MCTP1: variants seen among roughly 807,000 people sequenced by gnomAD.
MCTP1 encodes the protein multiple C2 and transmembrane domain containing 1.
Under a neutral mutation model 120.6 loss-of-function variants are expected in MCTP1, and 69 were observed. That is an observed-to-expected ratio of 0.57 (90% CI 0.47 to 0.70). The LOEUF is 0.70. MCTP1 is among the 30% of genes least tolerant of loss of function. MCTP1 has a pLI of 0.00. For synonymous variants in MCTP1, 529 were observed against 493.1 expected, an observed-to-expected ratio of 1.07 and a Z score of -0.96; for missense variants, 1,203 against 1,248.8, an observed-to-expected ratio of 0.96 and a Z score of 0.55.
intron 10 of MCTP1, among the ~76,000 whole-genome samples, chr5:94,902,075 C>T (rs1252154270): frequency 6.6e-6 from 1 of 152,158 alleles, no homozygotes; most frequent in Non-Finnish European, 1.5e-5. Context: ...GCAGTTCATA[C>T]ATGCCCTATT....
chr5:95,141,451 T>C (rs766152945), intron 1 of MCTP1, among the ~76,000 whole-genome samples: 3 of 152,232 alleles, frequency 2.0e-5, no homozygotes, highest in Admixed American at 6.5e-5. Flanking sequence ...TGAACACAGC[T>C]GGGGTATTCT....
intron 1 of MCTP1, among the ~76,000 whole-genome samples, chr5:95,122,301 G>T (rs1267493073): frequency 6.6e-6 from 1 of 152,110 alleles, no homozygotes; most frequent in Non-Finnish European, 1.5e-5. Context: ...GACTCTATAG[G>T]AAAAGAATCT....
chr5:94,861,272 G>T (rs1404927557), intron 17 of MCTP1, among the ~76,000 whole-genome samples: 1 of 151,828 alleles, frequency 6.6e-6, no homozygotes, highest in Non-Finnish European at 1.5e-5. Context: ...AAGAGAAGGG[G>T]CAAAGTAAAA....
intron 18 of MCTP1, among the ~76,000 whole-genome samples, chr5:94,790,111 CG>C (rs917320816): frequency 6.6e-6 from 1 of 152,072 alleles, no homozygotes; most frequent in African/African-American, 2.4e-5. Flanking sequence ...CTAATTTGGT[CG>C]TGAGGTCTGT....
chr5:94,843,243 G>A (rs1280300575), intron 17 of MCTP1, among the ~76,000 whole-genome samples: 1 of 152,056 alleles, frequency 6.6e-6, no homozygotes, highest in Non-Finnish European at 1.5e-5. Context: ...AAACTCAGAA[G>A]GGAAGACAGA....
At chr5:95,281,526 C>T (rs560272682) in intron 1 of MCTP1, among the ~76,000 whole-genome samples, 49 of 152,290 alleles carry the variant, frequency 3.2e-4, no homozygotes, top group Non-Finnish European at 4.6e-4. Flanking sequence ...GAGCAGCAGA[C>T]GCTAGGGACC....
intron 1 of MCTP1, among the ~76,000 whole-genome samples, chr5:95,163,836 G>T (rs1746019936): frequency 6.6e-6 from 1 of 152,084 alleles, no homozygotes; most frequent in Non-Finnish European, 1.5e-5. Context: ...TTCTGTAAAA[G>T]AAAAAATTTA....
intron 1 of MCTP1, among the ~76,000 whole-genome samples, chr5:95,048,687 C>T (rs1254761913): frequency 2.0e-5 from 3 of 152,182 alleles, no homozygotes; most frequent in African/African-American, 7.2e-5. Context: ...GCTGTTTGCT[C>T]AATGCCTGGA....
intron 4 of MCTP1, among the ~76,000 whole-genome samples, chr5:94,940,504 G>C: frequency 6.8e-6 from 1 of 147,934 alleles, no homozygotes; most frequent in Non-Finnish European, 1.5e-5. Context: ...AACCCACAGA[G>C]AGTAGCGCCA....
At chr5:94,988,524 T>C (rs1468357078) in intron 2 of MCTP1, among the ~76,000 whole-genome samples, 6 of 152,114 alleles carry the variant, frequency 3.9e-5, no homozygotes, top group African/African-American at 9.7e-5. Context: ...ATTCTGTTCA[T>C]TGGATGCTAT....
intron 11 of MCTP1, among the ~76,000 whole-genome samples, chr5:94,890,207 T>C (rs1374595889): frequency 3.3e-5 from 5 of 152,178 alleles, no homozygotes; most frequent in Non-Finnish European, 5.9e-5. Flanking sequence ...TGTCCTGTTA[T>C]GTTACCCAGG....
intron 2 of MCTP1, among the ~76,000 whole-genome samples, chr5:94,977,336 GAA>G (rs1160460831): frequency 2.0e-5 from 3 of 151,914 alleles, no homozygotes; most frequent in Non-Finnish European, 4.4e-5. Context: ...ACTAATAAAT[GAA>G]AAGTCATCTT....
chr5:94,905,557 T>C (rs901713630), intron 10 of MCTP1, among the ~76,000 whole-genome samples: 2 of 152,126 alleles, frequency 1.3e-5, no homozygotes, highest in Non-Finnish European at 2.9e-5. Flanking sequence ...ATCCTCAATA[T>C]GTTTTGAAGA....
chr5:95,054,824 C>G (rs1463406051), intron 1 of MCTP1, among the ~76,000 whole-genome samples: 1 of 148,230 alleles, frequency 6.7e-6, no homozygotes, highest in African/African-American at 2.5e-5. Flanking sequence ...TTTTTTGAAA[C>G]AGTCTTGCTC....
At chr5:94,754,851 C>T (rs1362927380) in intron 19 of MCTP1, among the ~76,000 whole-genome samples, 1 of 152,178 alleles carries the variant, frequency 6.6e-6, no homozygotes, top group Admixed American at 6.5e-5. Flanking sequence ...CCAGCCCATC[C>T]ATTCGGTTCT....
intron 19 of MCTP1, among the ~76,000 whole-genome samples, chr5:94,738,126 T>G (rs1313577181): frequency 6.6e-6 from 1 of 152,256 alleles, no homozygotes; most frequent in Non-Finnish European, 1.5e-5. Flanking sequence ...TTCTGCTAAT[T>G]TAATTCATGG....
At chr5:94,747,093 C>A (rs1453613258) in intron 19 of MCTP1, among the ~76,000 whole-genome samples, 1 of 152,060 alleles carries the variant, frequency 6.6e-6, no homozygotes, top group East Asian at 1.9e-4. Flanking sequence ...TTATCCATAT[C>A]TTCTGCCTGT....
chr5:95,182,835 A>G (rs138442263), intron 1 of MCTP1, among the ~76,000 whole-genome samples: 1,782 of 152,238 alleles, frequency 0.012, 14 homozygotes, highest in Middle Eastern at 0.031. Flanking sequence ...CATCCTGGCT[A>G]ACATGGTAAA....
At chr5:95,167,741 C>T (rs1746613415) in intron 1 of MCTP1, among the ~76,000 whole-genome samples, 1 of 152,196 alleles carries the variant, frequency 6.6e-6, no homozygotes, top group African/African-American at 2.4e-5. Context: ...CCTTTGCCCA[C>T]TTGTAGATGG....
Sources: allele counts gnomAD v4.1 joint callset (sites outside exome capture counted in the v4.1 genomes callset), GRCh38; gene constraint gnomAD v4.1.1; transcripts MANE v1.5; gene names NCBI Gene and HGNC (gene_info 2026-07-23, HGNC 2026-07-21).